The following DLG2 variants were observed in gnomAD, a reference collection of about 807,000 sequenced individuals.
DLG2 encodes the protein discs large MAGUK scaffold protein 2, also known as disks large homolog 2.
A neutral mutation model predicts 132.5 loss-of-function variants in DLG2; 45 were observed. That is an observed-to-expected ratio of 0.34 (90% CI 0.27 to 0.44). DLG2 has a LOEUF of 0.44. Ranked by LOEUF, DLG2 falls within the 20% of genes least tolerant of loss-of-function variation. The pLI is 1.00. For missense variants in DLG2, 1,045 were observed against 1,196.9 expected (o/e 0.87, Z 1.87); for synonymous variants, 424 against 419.6 (o/e 1.01, Z -0.13).
At chr11:83,966,095 G>A (rs1360979543) in intron 12 of DLG2, among the ~76,000 whole-genome samples, 1 of 151,838 alleles carries the variant, frequency 6.6e-6, no homozygotes. Context: ...CTATATTTGT[G>A]CACAACTCTG....
At chr11:84,502,340 T>C (rs1358591590) in intron 7 of DLG2, among the ~76,000 whole-genome samples, 2 of 36,160 alleles carry the variant, frequency 5.5e-5, no homozygotes, top group Admixed American at 3.1e-4. Flanking sequence ...CTTTCTTTCT[T>C]TCTTTCTTTC....
At chr11:83,733,127 G>A (rs1367307500) in intron 18 of DLG2, among the ~76,000 whole-genome samples, 1 of 151,282 alleles carries the variant, frequency 6.6e-6, no homozygotes, top group Non-Finnish European at 1.5e-5. Flanking sequence ...CGTAATCCCA[G>A]CTACTCGGGA....
At chr11:84,571,823 G>A (rs1185259677) in intron 6 of DLG2, among the ~76,000 whole-genome samples, 1 of 152,234 alleles carries the variant, frequency 6.6e-6, no homozygotes, top group Admixed American at 6.6e-5. Flanking sequence ...AAGCATGAAA[G>A]ACATGGCAAA....
chr11:83,499,785 ATT>A (rs1407606323), intron 21 of DLG2, among the ~76,000 whole-genome samples: 1 of 140,530 alleles, frequency 7.1e-6, no homozygotes, highest in Non-Finnish European at 1.5e-5. Context: ...ATATATATAT[ATT>A]ATATATATAA....
chr11:83,585,913 C>G (rs1274559998), intron 19 of DLG2, among the ~76,000 whole-genome samples: 1 of 151,856 alleles, frequency 6.6e-6, no homozygotes, highest in East Asian at 1.9e-4. Context: ...CTGACAATGC[C>G]TGAAGAAAAA....
intron 6 of DLG2, among the ~76,000 whole-genome samples, chr11:84,603,374 G>T (rs2099580061): frequency 6.6e-6 from 1 of 151,864 alleles, no homozygotes; most frequent in Admixed American, 6.6e-5. Context: ...ATTGAAATGT[G>T]ACTTTTCCTC....
chr11:84,221,235 G>A (rs1256674794), intron 8 of DLG2, among the ~76,000 whole-genome samples: 1 of 151,998 alleles, frequency 6.6e-6, no homozygotes, highest in Non-Finnish European at 1.5e-5. Flanking sequence ...GGAGGCCAAG[G>A]TGGGTGGATC....
chr11:85,559,308 A>C (rs1449946173), intron 3 of DLG2, among the ~76,000 whole-genome samples: 1 of 150,908 alleles, frequency 6.6e-6, no homozygotes, highest in Non-Finnish European at 1.5e-5. Context: ...CCACCACCAC[A>C]CCCAGCTAAT....
At chr11:83,818,699 T>C (rs2049816074) in intron 17 of DLG2, among the ~76,000 whole-genome samples, 1 of 152,162 alleles carries the variant, frequency 6.6e-6, no homozygotes, top group Non-Finnish European at 1.5e-5. Context: ...GAAAGCTATA[T>C]ATATTTTTTC....
chr11:85,340,073 CAG>C (rs1399060540), intron 3 of DLG2, among the ~76,000 whole-genome samples: 1 of 152,200 alleles, frequency 6.6e-6, no homozygotes, highest in Non-Finnish European at 1.5e-5. Context: ...TTGTGGAAGA[CAG>C]TGTGGCGATT....
intron 7 of DLG2, among the ~76,000 whole-genome samples, chr11:84,342,900 T>G (rs1288798280): frequency 6.6e-6 from 1 of 152,146 alleles, no homozygotes; most frequent in Non-Finnish European, 1.5e-5. Context: ...GAATTTGGAA[T>G]GTGTGCTCAT....
intron 18 of DLG2, among the ~76,000 whole-genome samples, chr11:83,778,560 A>T (rs560724644): frequency 5.3e-5 from 8 of 152,176 alleles, no homozygotes; most frequent in Non-Finnish European, 1.0e-4. Context: ...AGGAGGTTAT[A>T]TCTATTATTA....
At chr11:83,593,770 C>T (rs532947247) in intron 19 of DLG2, among the ~76,000 whole-genome samples, 4 of 148,142 alleles carry the variant, frequency 2.7e-5, no homozygotes, top group Admixed American at 6.7e-5. Context: ...TGTAAAAACA[C>T]GAACATAAAA....
intron 3 of DLG2, among the ~76,000 whole-genome samples, chr11:85,563,049 C>T (rs1406834095): frequency 3.3e-5 from 5 of 151,606 alleles, no homozygotes; most frequent in Non-Finnish European, 7.4e-5. Flanking sequence ...TGACTGAGCA[C>T]CTGTTGTGGG....
intron 4 of DLG2, among the ~76,000 whole-genome samples, chr11:85,226,892 T>C (rs1206483893): frequency 6.6e-6 from 1 of 152,116 alleles, no homozygotes; most frequent in Non-Finnish European, 1.5e-5. Context: ...ACCAAAGATA[T>C]TGTCTGTGGT....
chr11:83,883,684 T>A (rs1352531539), intron 15 of DLG2, among the ~76,000 whole-genome samples: 1 of 152,192 alleles, frequency 6.6e-6, no homozygotes, highest in Non-Finnish European at 1.5e-5. Context: ...GCGGGCATAT[T>A]CCTGCCTTTA....
chr11:83,671,937 C>A (rs1046465004), intron 18 of DLG2, among the ~76,000 whole-genome samples: 5 of 152,108 alleles, frequency 3.3e-5, no homozygotes, highest in African/African-American at 1.2e-4. Context: ...TCATTGCTTA[C>A]AATTTGTTAC....
chr11:84,774,595 A>G (rs1216981014), intron 6 of DLG2, among the ~76,000 whole-genome samples: 1 of 152,146 alleles, frequency 6.6e-6, no homozygotes, highest in Non-Finnish European at 1.5e-5. Flanking sequence ...TGGTACAAAA[A>G]CAGAAACATA....
chr11:83,938,908 T>C (rs2082060991), intron 14 of DLG2, among the ~76,000 whole-genome samples: 1 of 152,200 alleles, frequency 6.6e-6, no homozygotes, highest in Non-Finnish European at 1.5e-5. Context: ...GTTTCTTTTG[T>C]GCTACTTGTT....
Sources: allele counts gnomAD v4.1 joint callset (sites outside exome capture counted in the v4.1 genomes callset), GRCh38; gene constraint gnomAD v4.1.1; transcripts MANE v1.5; gene names NCBI Gene and HGNC (gene_info 2026-07-23, HGNC 2026-07-21).